Variants in RFX4 observed in about 807,000 individuals in gnomAD.
RFX4 encodes the protein transcription factor RFX4.
A neutral mutation model predicts 95.0 loss-of-function variants in RFX4; 10 were observed. The ratio of observed to expected loss-of-function variants is 0.11; its 90% confidence interval spans 0.06 to 0.18. The LOEUF (loss-of-function observed/expected upper bound fraction) is 0.18, where lower values mean the gene tolerates loss of function less well. Ranked by LOEUF, RFX4 falls within the 10% of genes least tolerant of loss-of-function variation. The pLI is 1.00. For missense variants in RFX4, 640 were observed against 922.0 expected, an observed-to-expected ratio of 0.69 and a Z score of 3.96; for synonymous variants, 321 against 340.7, an observed-to-expected ratio of 0.94 and a Z score of 0.64.
Position 106,672,596 on chromosome 12 carries a change from A to C in RFX4, c.316-9397A>C, listed in dbSNP as rs2041305257. The stretch of plus-strand genomic sequence containing the variant: ...CACAAAAGTGTTTTACTGTTTGCTG[A>C]GTCTTGCTCCAGAAATTAAAAGCTG... On this transcript the variant is annotated intron_variant, in intron 4 of 17. Coordinates refer to ENST00000392842, the MANE Select transcript of RFX4 (RefSeq NM_213594.3). Among the ~76,000 whole-genome samples the C allele has an allele frequency of 2.6e-5, 4 of 152,204 alleles. No individual in the cohort carries two copies. The South Asian group carries it at 8.3e-4, about 32-fold the overall frequency.
At chr12:106,608,170 CAA>C (rs2039877940) in intron 1 of RFX4, among the ~76,000 whole-genome samples, 1 of 152,100 alleles carries the variant, frequency 6.6e-6, no homozygotes, top group African/African-American at 2.4e-5. Context: ...GCCTAGGTGA[CAA>C]GAGCAAAACT....
At chr12:106,751,252 C>T (rs564172394) in intron 17 of RFX4, among the ~76,000 whole-genome samples, 405 of 150,908 alleles carry the variant, frequency 2.7e-3, no homozygotes, top group South Asian at 4.9e-3. Flanking sequence ...CATGTCCCTA[C>T]AAAGGACATG....
chr12:106,714,339 C>T (rs1487950574), intron 10 of RFX4, among the ~76,000 whole-genome samples: 1 of 152,152 alleles, frequency 6.6e-6, no homozygotes, highest in Non-Finnish European at 1.5e-5. Context: ...GACACCTGAC[C>T]TTTCCATTCA....
At chr12:106,635,043 C>A (rs1364346049) in intron 2 of RFX4, among the ~76,000 whole-genome samples, 7 of 152,068 alleles carry the variant, frequency 4.6e-5, no homozygotes, top group Non-Finnish European at 1.0e-4. Flanking sequence ...TTATAATTGC[C>A]ATAGAAGATG....
chr12:106,689,188 C>A (rs746406812), intron 6 of RFX4, 99 bp from the exon 7 acceptor site: 3 of 998,658 alleles, frequency 3.0e-6, no homozygotes, highest in Admixed American at 1.7e-5. Context: ...TTGCATCCCC[C>A]CCACAGGGAA....
chr12:106,746,048 G>A (rs1400558100), intron 15 of RFX4, among the ~76,000 whole-genome samples: 1 of 152,068 alleles, frequency 6.6e-6, no homozygotes, highest in Non-Finnish European at 1.5e-5. Flanking sequence ...GGAACATAGT[G>A]AGACCCTGTG....
intron 4 of RFX4, among the ~76,000 whole-genome samples, chr12:106,665,670 A>T (rs1341053171): frequency 3.9e-5 from 6 of 151,980 alleles, no homozygotes; most frequent in African/African-American, 1.2e-4. Flanking sequence ...AACATAAAAA[A>T]ACCTTTTAAA....
At chr12:106,627,587 C>T (rs997152209) in intron 2 of RFX4, among the ~76,000 whole-genome samples, 5 of 152,104 alleles carry the variant, frequency 3.3e-5, no homozygotes, top group Non-Finnish European at 4.4e-5. Context: ...TTCAAGGCTA[C>T]GTAAATGGAA....
At chr12:106,673,236 T>C (rs989552970) in intron 4 of RFX4, among the ~76,000 whole-genome samples, 2 of 152,182 alleles carry the variant, frequency 1.3e-5, no homozygotes, top group Non-Finnish European at 2.9e-5. Flanking sequence ...GACGAGTCAC[T>C]AGAGAGGCAG....
At chr12:106,609,859 T>C (rs767481424) in intron 2 of RFX4, among the ~76,000 whole-genome samples, 2 of 152,182 alleles carry the variant, frequency 1.3e-5, no homozygotes, top group African/African-American at 2.4e-5. Flanking sequence ...ATCACTACTG[T>C]CCTGACTTAT....
intron 15 of RFX4, among the ~76,000 whole-genome samples, chr12:106,742,342 A>C (rs1397005347): frequency 2.6e-5 from 4 of 152,016 alleles, no homozygotes; most frequent in Non-Finnish European, 5.9e-5. Context: ...ACACACCACC[A>C]CACCCAGCTT....
intron 4 of RFX4, among the ~76,000 whole-genome samples, chr12:106,666,069 T>G (rs1203439571): frequency 6.6e-6 from 1 of 152,094 alleles, no homozygotes; most frequent in African/African-American, 2.4e-5. Flanking sequence ...TCAGGTTTAC[T>G]GAAAACAAAT....
intron 15 of RFX4, among the ~76,000 whole-genome samples, chr12:106,744,291 A>T (rs1214811360): frequency 2.0e-5 from 3 of 152,208 alleles, no homozygotes; most frequent in Non-Finnish European, 4.4e-5. Flanking sequence ...CAAAGCAGGA[A>T]GGGGTACTTT....
chr12:106,686,286 C>G (rs989548774), intron 5 of RFX4, among the ~76,000 whole-genome samples: 1 of 152,034 alleles, frequency 6.6e-6, no homozygotes, highest in African/African-American at 2.4e-5. Context: ...TGGCACATGC[C>G]TGTAATCCCA....
At chr12:106,728,886 T>C (rs2042556416) in intron 13 of RFX4, among the ~76,000 whole-genome samples, 1 of 152,206 alleles carries the variant, frequency 6.6e-6, no homozygotes, top group African/African-American at 2.4e-5. Context: ...CAGGTAGCAG[T>C]AGCTCTACAA....
At chr12:106,671,393 C>G (rs966356862) in intron 4 of RFX4, among the ~76,000 whole-genome samples, 3 of 151,958 alleles carry the variant, frequency 2.0e-5, no homozygotes, top group African/African-American at 7.3e-5. Context: ...CTGGGTGGCT[C>G]TGGGGGTGTC....
At chr12:106,657,485 C>A (rs185342150) in intron 4 of RFX4, among the ~76,000 whole-genome samples, 2 of 152,244 alleles carry the variant, frequency 1.3e-5, no homozygotes, top group East Asian at 3.9e-4. Flanking sequence ...TGTGGCCAAG[C>A]CCCAAAAACA....
chr12:106,599,301 C>T (rs536809449), intron 1 of RFX4, among the ~76,000 whole-genome samples: 1 of 151,974 alleles, frequency 6.6e-6, no homozygotes, highest in East Asian at 1.9e-4. Context: ...CATTATTGAG[C>T]ACCTATTGTA....
intron 2 of RFX4, among the ~76,000 whole-genome samples, chr12:106,622,357 G>A (rs1002371950): frequency 4.6e-5 from 7 of 151,986 alleles, no homozygotes; most frequent in African/African-American, 1.7e-4. Context: ...TGATGTTTTT[G>A]TGTTTCCTTC....
Sources: allele counts gnomAD v4.1 joint callset (sites outside exome capture counted in the v4.1 genomes callset), GRCh38; gene constraint gnomAD v4.1.1; transcripts MANE v1.5; gene names NCBI Gene and HGNC (gene_info 2026-07-23, HGNC 2026-07-21).